The following ANO2 variants were observed in gnomAD, a reference collection of about 807,000 sequenced individuals.
ANO2 encodes anoctamin-2.
ANO2 carries 101 observed loss-of-function variants against 124.2 expected under a neutral mutation model. That is an observed-to-expected ratio of 0.81 (90% CI 0.69 to 0.96). ANO2 has a LOEUF of 0.96. ANO2 is among the 40% of genes least tolerant of loss of function. The probability of loss-of-function intolerance (pLI) is 0.00; values close to 1 mark genes in which losing one functional copy is unlikely to be tolerated. For missense variants in ANO2, 1,293 were observed against 1,274.5 expected (o/e 1.01, Z -0.22); for synonymous variants, 486 against 482.5 (o/e 1.01, Z -0.09).
intron 3 of ANO2, among the ~76,000 whole-genome samples, chr12:5,916,900 G>A (rs915510584): frequency 2.0e-5 from 3 of 152,158 alleles, no homozygotes; most frequent in Admixed American, 6.5e-5. Flanking sequence ...CGCTTTACAC[G>A]CGAGGTCCCA....
chr12:5,875,579 C>T (rs905871473), intron 3 of ANO2, among the ~76,000 whole-genome samples: 1 of 152,218 alleles, frequency 6.6e-6, no homozygotes, highest in East Asian at 1.9e-4. Context: ...GCTCTTTAAC[C>T]TTGAACCTGT....
At chr12:5,567,161 G>A (rs1328912664) in intron 23 of ANO2, among the ~76,000 whole-genome samples, 3 of 152,154 alleles carry the variant, frequency 2.0e-5, no homozygotes, top group Non-Finnish European at 4.4e-5. Context: ...CTCCCTGCCC[G>A]ACTCCCCCTC....
At chr12:5,597,407 T>C (rs1289902979) in intron 20 of ANO2, among the ~76,000 whole-genome samples, 1 of 152,224 alleles carries the variant, frequency 6.6e-6, no homozygotes, top group African/African-American at 2.4e-5. Flanking sequence ...TCTCCATCCA[T>C]GTTCCTTCAA....
At chr12:5,655,534 C>T (rs1333192754) in intron 14 of ANO2, among the ~76,000 whole-genome samples, 2 of 152,198 alleles carry the variant, frequency 1.3e-5, no homozygotes, top group Admixed American at 1.3e-4. Context: ...TGTATTAACT[C>T]TCTTAAACCA....
chr12:5,563,489 T>C lies in ANO2; in HGVS notation c.2807A>G (p.Lys936Arg). 6.2e-7 allele frequency: 1 copy of C among 1,613,994 alleles called. No homozygotes were observed. Among genetic ancestry groups the C allele is most frequent in the Non-Finnish European group, 8.5e-7 (1 of 1,179,892 alleles). Residue 936 changes from lysine (K) to arginine (R), a missense_variant, in exon 25 of 25, where the codon AAA becomes AGA. Physicochemically the swap from Lys to Arg is conservative, Grantham distance 26 (BLOSUM62 2). Transcript: ENST00000682330. ...GAAATCCACTAATAAGCTCTTCTCT[T>C]TCTTGATCTGGTCGCTGATGTCCGT... is the stretch of plus-strand genomic sequence containing the variant. ...IPTDISDQIK[K>R]EKSLLVDFFL...
intron 14 of ANO2, among the ~76,000 whole-genome samples, chr12:5,690,388 A>G (rs1000812308): frequency 1.1e-4 from 17 of 152,246 alleles, no homozygotes; most frequent in Non-Finnish European, 1.9e-4. Flanking sequence ...TGGGGGAGCC[A>G]CAGCTGCTAC....
At chr12:5,618,485 A>G (rs1332932359) in intron 16 of ANO2, among the ~76,000 whole-genome samples, 1 of 152,160 alleles carries the variant, frequency 6.6e-6, no homozygotes, top group Non-Finnish European at 1.5e-5. Flanking sequence ...CTGTGGATGA[A>G]GGGAATTGAG....
At chr12:5,676,680 C>T (rs947984602) in intron 14 of ANO2, among the ~76,000 whole-genome samples, 3 of 152,018 alleles carry the variant, frequency 2.0e-5, no homozygotes, top group Admixed American at 2.0e-4. Flanking sequence ...GCCCCTCATC[C>T]TAAGTTTTTG....
At chr12:5,818,284 A>T (rs1953672556) in intron 7 of ANO2, among the ~76,000 whole-genome samples, 1 of 151,834 alleles carries the variant, frequency 6.6e-6, no homozygotes, top group African/African-American at 2.4e-5. Context: ...ACAGAAAAAC[A>T]TGAAAAGACT....
chr12:5,718,138 G>T (rs151231975), intron 14 of ANO2, among the ~76,000 whole-genome samples: 1 of 152,214 alleles, frequency 6.6e-6, no homozygotes, highest in African/African-American at 2.4e-5. Context: ...GCAATAGCTC[G>T]AGAGGGAAAG....
At chr12:5,577,520 G>A (rs547039314) in intron 22 of ANO2, among the ~76,000 whole-genome samples, 10 of 152,230 alleles carry the variant, frequency 6.6e-5, no homozygotes, top group Admixed American at 5.9e-4. Flanking sequence ...CAGAGTCCAC[G>A]GGGATAATTA....
Position 5,832,602 on chromosome 12 carries a change from A to C in ANO2, c.635T>G (p.Met212Arg). The C allele has an allele frequency of 6.2e-7, 1 of 1,611,334 alleles. No individual in the cohort carries two copies. Among genetic ancestry groups the C allele is most frequent in the Non-Finnish European group, 8.5e-7 (1 of 1,178,666 alleles). Residue 212 changes from methionine (M) to arginine (R), a missense_variant and splice_region_variant, in exon 5 of 25, where the codon ATG (methionine) becomes AGG (arginine). Physicochemically the swap from Met to Arg is moderately conservative, Grantham distance 91. Transcript: ENST00000682330. ...GCTGCCTCCTGCTTTGATCTCGTAC[A>C]TCTATGAAAGGAAGAGCCACAGGTC... ...FLKIKVPTKK[M>R]YEIKAGGSIA...
chr12:5,921,394 C>A, intron 2 of ANO2, 28 bp from the exon 3 acceptor site: 1 of 1,603,526 alleles, frequency 6.2e-7, no homozygotes, highest in Non-Finnish European at 8.5e-7. Flanking sequence ...AGAGGCAGGG[C>A]AAGGTCTGGT....
At chr12:5,933,583 T>G (rs555613540) in intron 1 of ANO2, among the ~76,000 whole-genome samples, 1 of 152,344 alleles carries the variant, frequency 6.6e-6, no homozygotes, top group African/African-American at 2.4e-5. Flanking sequence ...ACGTACCCTT[T>G]ATAAAATTCA....
At chr12:5,829,836 C>G (rs1412628924) in intron 6 of ANO2, among the ~76,000 whole-genome samples, 1 of 152,140 alleles carries the variant, frequency 6.6e-6, no homozygotes, top group Non-Finnish European at 1.5e-5. Context: ...AAACACTTGA[C>G]ATGAAGGCAA....
chr12:5,844,938 T>C (rs1954635077), intron 4 of ANO2, among the ~76,000 whole-genome samples: 1 of 147,582 alleles, frequency 6.8e-6, no homozygotes, highest in Admixed American at 7.2e-5. Context: ...TTTTCTGAAT[T>C]TGTTCAACCA....
chr12:5,922,863 C>A (rs766908466), intron 1 of ANO2, 59 bp from the exon 2 acceptor site: 1 of 1,414,268 alleles, frequency 7.1e-7, no homozygotes, highest in Admixed American at 2.9e-5. Flanking sequence ...ATCCAAGACA[C>A]TGAGGTACTG....
chr12:5,583,371 T>G (rs1340097504), intron 20 of ANO2, among the ~76,000 whole-genome samples: 1 of 152,208 alleles, frequency 6.6e-6, no homozygotes, highest in Admixed American at 6.5e-5. Context: ...AAATGCTTTC[T>G]GGCTGGGCGC....
intron 16 of ANO2, among the ~76,000 whole-genome samples, chr12:5,625,045 G>A (rs1945327477): frequency 6.6e-6 from 1 of 152,222 alleles, no homozygotes. Flanking sequence ...GGAAGTACTG[G>A]GAGGGGGAAT....
Sources: allele counts gnomAD v4.1 joint callset (sites outside exome capture counted in the v4.1 genomes callset), GRCh38; gene constraint gnomAD v4.1.1; transcripts MANE v1.5; gene names NCBI Gene and HGNC (gene_info 2026-07-23, HGNC 2026-07-21).